Variants in CPT1A observed in about 807,000 individuals in gnomAD.
The protein encoded by CPT1A is carnitine palmitoyltransferase 1A.
CPT1A carries 64 observed loss-of-function variants against 100.8 expected under a neutral mutation model. The ratio of observed to expected loss-of-function variants is 0.63; its 90% CI spans 0.52 to 0.78. The LOEUF (loss-of-function observed/expected upper bound fraction) is 0.78, where lower values mean the gene tolerates loss of function less well. Ranked by LOEUF, CPT1A falls within the 30% of genes least tolerant of loss-of-function variation. The probability of loss-of-function intolerance (pLI) is 0.00; values close to 1 mark genes in which losing one functional copy is unlikely to be tolerated. For synonymous variants in CPT1A, 363 were observed against 396.0 expected, an observed-to-expected ratio of 0.92 and a Z score of 0.99; for missense variants, 802 against 1,034.1, an observed-to-expected ratio of 0.78 and a Z score of 3.08.
chr11:68,760,805 G>A (rs1946792600), intron 16 of CPT1A, among the ~76,000 whole-genome samples: 2 of 152,152 alleles, frequency 1.3e-5, no homozygotes, highest in South Asian at 2.1e-4. Context: ...CTGAGCTCAG[G>A]AGTTCGAGAC....
At chr11:68,799,075 G>T in intron 6 of CPT1A, 143 bp downstream of exon 6, 2 of 730,494 alleles carry the variant, frequency 2.7e-6, no homozygotes. Flanking sequence ...ACTCTGCACA[G>T]AGGTAAAACT....
In CPT1A at chr11:68,762,732, C is replaced by T. The variant is rs61731905; in HGVS notation, c.1770G>A (p.Glu590=). The part of the protein sequence containing the change: ...KDMGKFCLTY[E]ASMTRLFREG... ...CTCGGAAGAGCCGGGTCATGGAGGC[C>T]TCGTATGTGAGGCAAAACTTGCCCA... is the stretch of plus-strand genomic sequence containing the variant. The change falls in exon 15 of 19, where the codon GAG becomes GAA. Residue 590 remains glutamate (E), a synonymous_variant. Coordinates refer to ENST00000265641, the MANE Select transcript of CPT1A (RefSeq NM_001876.4). 67 of 1,614,104 alleles carry T rather than the reference C, an allele frequency of 4.2e-5. No homozygotes were observed. The Admixed American group carries it at 5.7e-4, about 14-fold the overall frequency.
At chr11:68,767,110 T>C (rs964240414) in intron 14 of CPT1A, among the ~76,000 whole-genome samples, 3 of 152,174 alleles carry the variant, frequency 2.0e-5, no homozygotes, top group Non-Finnish European at 4.4e-5. Context: ...TCACAAAGTA[T>C]TGGTCGCCTG....
rs2153999487 is a variant in CPT1A at position 68,792,557 on chromosome 11, TG to T, written c.967+757del. ...GGCCTGGCCTGGATGTTCCCCACGGTGCCTGTTCTCCCTCCCTGTCATTCTC... is the reference window on the plus strand; with the variant it reads ...GGCCTGGCCTGGATGTTCCCCACGGTCCTGTTCTCCCTCCCTGTCATTCTC... On this transcript the variant is annotated intron_variant, in intron 9 of 18. Transcript: ENST00000265641. 2.0e-5 allele frequency among the ~76,000 whole-genome samples: 3 copies of T among 152,266 alleles called. No individual in the cohort carries two copies. In the South Asian group the frequency reaches 6.2e-4, roughly 32 times the overall value.
At chr11:68,765,235 A>C (rs1247482952) in intron 14 of CPT1A, among the ~76,000 whole-genome samples, 2 of 152,244 alleles carry the variant, frequency 1.3e-5, no homozygotes, top group African/African-American at 4.8e-5. Context: ...TATATGATGC[A>C]ATGATTCATT....
chr11:68,839,517 GC>G (rs1217894977), intron 1 of CPT1A: 1 of 985,360 alleles, frequency 1.0e-6, no homozygotes, highest in East Asian at 1.1e-4. Flanking sequence ...CGTCCCTGTG[GC>G]CACCCCAGCG....
At chr11:68,817,750 TG>T (rs113196178) in intron 1 of CPT1A, among the ~76,000 whole-genome samples, 970 of 31,556 alleles carry the variant, frequency 0.031, 17 homozygotes, top group African/African-American at 0.082. Flanking sequence ...GACAGGCTGT[TG>T]GGGGGGGGTC....
rs75677837 is a variant in CPT1A, at chr11:68,793,312, C to T, written c.967+3G>A. ...CAGGGGGCCCTGAAGAAGCTTGACT[C>T]ACCTGTCTCCTCTCCTGGGATCCGG... On this transcript the variant is annotated splice_donor_region_variant and intron_variant, in intron 9 of 18. Transcript: ENST00000265641. The T allele has an allele frequency of 0.02, 31,521 of 1,607,360 alleles. 638 individuals carry two copies. The highest frequency in any genetic ancestry group is 0.075 in the East Asian group (3,377 of 44,776).
At chr11:68,816,496 A>T (rs1856393186) in intron 1 of CPT1A, among the ~76,000 whole-genome samples, 1 of 151,932 alleles carries the variant, frequency 6.6e-6, no homozygotes, top group Non-Finnish European at 1.5e-5. Context: ...GCTGCAGAAA[A>T]CTGCTTCCGG....
chr11:68,801,865 A>G (rs1448826974), intron 5 of CPT1A, among the ~76,000 whole-genome samples: 1 of 152,206 alleles, frequency 6.6e-6, no homozygotes, highest in Non-Finnish European at 1.5e-5. Context: ...CGGAATTCCC[A>G]TGAGCCAGCA....
chr11:68,782,569 C>T (rs186294305), intron 10 of CPT1A, among the ~76,000 whole-genome samples: 5 of 152,268 alleles, frequency 3.3e-5, no homozygotes, highest in Non-Finnish European at 4.4e-5. Context: ...TCTCCGTGCC[C>T]GTCTTATTTG....
At chr11:68,785,251 AAAC>A (rs2153998464) in intron 9 of CPT1A, among the ~76,000 whole-genome samples, 1 of 152,184 alleles carries the variant, frequency 6.6e-6, no homozygotes. Context: ...TTATGACCTC[AAAC>A]AAATTACCCG....
intron 1 of CPT1A, among the ~76,000 whole-genome samples, chr11:68,830,512 G>A (rs978259927): frequency 7.9e-5 from 12 of 152,136 alleles, no homozygotes; most frequent in Admixed American, 7.2e-4. Context: ...ATCTGCTCTC[G>A]GAACCACACA....
At chr11:68,792,987 G>A (rs1371517035) in intron 9 of CPT1A, among the ~76,000 whole-genome samples, 1 of 152,170 alleles carries the variant, frequency 6.6e-6, no homozygotes, top group African/African-American at 2.4e-5. Flanking sequence ...GGTGGAGGCT[G>A]AAGTGAGCCG....
intron 1 of CPT1A, among the ~76,000 whole-genome samples, chr11:68,833,808 C>T (rs1486489550): frequency 6.6e-6 from 1 of 151,896 alleles, no homozygotes; most frequent in Non-Finnish European, 1.5e-5. Context: ...GTAAGACTCA[C>T]CTTATGTTTT....
At chr11:68,789,621 C>T (rs1384705172) in intron 9 of CPT1A, among the ~76,000 whole-genome samples, 1 of 152,096 alleles carries the variant, frequency 6.6e-6, no homozygotes, top group East Asian at 1.9e-4. Context: ...AGGATGGTCT[C>T]GAACTCCTGA....
In CPT1A at chr11:68,841,112, C is replaced by G. The variant is rs1857149044; in HGVS notation, c.-14+663G>C. ...CGAGGGCGGGCATGGGGAGGGGGAC[C>G]GGGGAGACGGACGCTGGGATGGGGT... On this transcript the variant is annotated intron_variant, in intron 1 of 18. Coordinates refer to ENST00000265641, the MANE Select transcript of CPT1A (RefSeq NM_001876.4). The surrounding 1 kb of genome is among the most constrained non-coding windows in gnomAD (Gnocchi z 6.3). Among the ~76,000 whole-genome samples the G allele has an allele frequency of 6.6e-6, 1 of 152,230 alleles. No homozygotes were observed. Among genetic ancestry groups the G allele is most frequent in the Non-Finnish European group, 1.5e-5 (1 of 68,042 alleles).
intron 14 of CPT1A, among the ~76,000 whole-genome samples, chr11:68,766,976 CTG>C: frequency 1.3e-5 from 2 of 152,318 alleles, no homozygotes; most frequent in South Asian, 4.2e-4. Flanking sequence ...CAGGTGCTCT[CTG>C]TGGCGACTAC....
At chr11:68,760,714 C>CTT (rs1946790291) in intron 16 of CPT1A, among the ~76,000 whole-genome samples, 1 of 152,198 alleles carries the variant, frequency 6.6e-6, no homozygotes, top group Non-Finnish European at 1.5e-5. Flanking sequence ...AATACAGCCA[C>CTT]TATTAAAAAT....
Sources: allele counts gnomAD v4.1 joint callset (sites outside exome capture counted in the v4.1 genomes callset), GRCh38; gene constraint gnomAD v4.1.1; non-coding constraint Gnocchi (gnomAD v3.1); transcripts MANE v1.5; gene names NCBI Gene and HGNC (gene_info 2026-07-23, HGNC 2026-07-21).